MEPE: variants seen among roughly 807,000 people sequenced by gnomAD.
MEPE encodes the protein matrix extracellular phosphoglycoprotein.
A neutral mutation model predicts 7.3 loss-of-function variants in MEPE; 7 were observed. The ratio of observed to expected loss-of-function variants is 0.95; its 90% CI spans 0.54 to 1.79. The LOEUF (loss-of-function observed/expected upper bound fraction) is 1.79, where lower values mean the gene tolerates loss of function less well. Ranked by LOEUF, MEPE falls within the 40% of genes most tolerant of loss-of-function variation. The pLI, the probability that MEPE is intolerant of heterozygous loss-of-function variation, is 0.00. For synonymous variants in MEPE, 214 were observed against 213.1 expected (o/e 1.00, Z -0.04); for missense variants, 623 against 628.2 (o/e 0.99, Z 0.09).
chr4:87,838,820 C>A, intron 3 of MEPE, 135 bp downstream of exon 3: 1 of 666,068 alleles, frequency 1.5e-6, no homozygotes, highest in Non-Finnish European at 2.5e-6. Context: ...ATAATGTTGG[C>A]ACTTTCTAGT....
chr4:87,834,671 C>T (rs753057418), intron 1 of MEPE, 32 bp from the exon 2 acceptor site: 2 of 1,563,116 alleles, frequency 1.3e-6, no homozygotes, highest in South Asian at 2.3e-5. Context: ...ACTGGCAATG[C>T]TTTGTGGTAA....
intron 1 of MEPE, among the ~76,000 whole-genome samples, chr4:87,825,706 A>C (rs1230870135): frequency 6.6e-6 from 1 of 152,098 alleles, no homozygotes; most frequent in East Asian, 1.9e-4. Flanking sequence ...TTTTTTCTTC[A>C]ACTTTTAAGG....
At chr4:87,839,203 T>C (rs527974516) in intron 3 of MEPE, among the ~76,000 whole-genome samples, 6 of 152,302 alleles carry the variant, frequency 3.9e-5, no homozygotes, top group Admixed American at 6.5e-5. Context: ...CACAGAAAAT[T>C]ATGTTCTAAG....
chr4:87,839,816 A>G (rs1482887385), intron 3 of MEPE: 2 of 1,544,738 alleles, frequency 1.3e-6, no homozygotes, highest in Non-Finnish European at 8.8e-7. Flanking sequence ...CAGCATGACT[A>G]AACTCTGGAC....
chr4:87,828,306 T>C (rs1006032086), upstream of MEPE, among the ~76,000 whole-genome samples: 4 of 152,180 alleles, frequency 2.6e-5, no homozygotes, highest in African/African-American at 7.2e-5. Flanking sequence ...GAGAGTTATT[T>C]TGGCAAGTTA....
chr4:87,835,232 T>C (rs146695175), intron 2 of MEPE, among the ~76,000 whole-genome samples: 9 of 152,328 alleles, frequency 5.9e-5, no homozygotes, highest in African/African-American at 1.2e-4. Flanking sequence ...ACCCCAATAC[T>C]GTGGGATCCT....
rs1213205345 is a variant in MEPE, at chr4:87,844,026, C to A, written c.109-951C>A. Among the ~76,000 whole-genome samples the A allele has an allele frequency of 2.0e-5, 3 of 152,260 alleles. No homozygotes were observed. The South Asian group carries it at 6.2e-4, about 32-fold the overall frequency. ...CTTGACTAGGGCCATAGTGACTCAGCCTCTCTTAGCTCCCATGGGCAATTT... is the reference window on the plus strand; with the variant it reads ...CTTGACTAGGGCCATAGTGACTCAGACTCTCTTAGCTCCCATGGGCAATTT... On this transcript the variant is annotated intron_variant, in intron 3 of 3. Transcript: ENST00000361056.
intron 1 of MEPE, among the ~76,000 whole-genome samples, chr4:87,826,205 GCTTTATATT>G (rs975123437): frequency 1.3e-5 from 2 of 149,164 alleles, no homozygotes; most frequent in Non-Finnish European, 3.0e-5. Flanking sequence ...ATAATAGAAT[GCTTTATATT>G]CTTTATATTC....
In MEPE at chr4:87,846,056, T is replaced by C. The variant is rs1395325907; in HGVS notation, c.1188T>C (p.Tyr396=). The change falls in exon 4 of 4, where the codon TAT becomes TAC. Residue 396 remains tyrosine (Y), a synonymous_variant. Transcript: ENST00000361056. ...GSSDAAESTN[Y]NEIPKNGKGS... is the part of the protein sequence containing the mutation. Reference sequence around the variant, plus strand: ...GTGATGCAGCTGAAAGTACCAACTATAATGAAATTCCTAAAAATGGCAAAG... The same window carrying C: ...GTGATGCAGCTGAAAGTACCAACTACAATGAAATTCCTAAAAATGGCAAAG... 4 of 1,614,022 alleles carry C rather than the reference T, an allele frequency of 2.5e-6. No individual in the cohort carries two copies. The highest frequency in any genetic ancestry group is 3.4e-6 in the Non-Finnish European group (4 of 1,179,952).
Position 87,846,510 on chromosome 4 carries a change from GGAGAGCCACCT to G in MEPE, c.*67_*77del. 4.6e-6 allele frequency: 7 copies of G among 1,526,344 alleles called. No individual in the cohort carries two copies. Among genetic ancestry groups the G allele is most frequent in the Non-Finnish European group, 6.2e-6 (7 of 1,135,740 alleles). 94.6% of individuals were successfully genotyped at this position (1,526,344 alleles called of 1,614,324 possible). A position where few individuals can be genotyped will look rare whatever the true frequency, so the allele number is the denominator to read the frequency against. On this transcript the variant is annotated 3_prime_UTR_variant, in exon 4 of 4. Coordinates refer to ENST00000361056, the MANE Select transcript of MEPE (RefSeq NM_020203.6). ...CTCGTCACCTGTGAGTTGATGTAGA[GGAGAGCCACCT>G]GACAGCTGACCAGGTGAAGAGAGGA...
upstream of MEPE, among the ~76,000 whole-genome samples, chr4:87,830,528 T>A (rs1013912307): frequency 5.9e-5 from 9 of 152,060 alleles, no homozygotes; most frequent in African/African-American, 2.2e-4. Flanking sequence ...AGCTAAATGA[T>A]AAGAACTTAT....
rs776051454 is a variant in MEPE, at chr4:87,845,886, G to A, written c.1018G>A (p.Asp340Asn). 1.4e-5 allele frequency: 23 copies of A among 1,613,838 alleles called. No homozygotes were observed. Among genetic ancestry groups the A allele is most frequent in the East Asian group, 4.5e-5 (2 of 44,880 alleles). The change falls in exon 4 of 4, where the codon GAT becomes AAT. Residue 340 changes from aspartate (D) to asparagine (N), a missense_variant. Coordinates refer to ENST00000361056, the MANE Select transcript of MEPE (RefSeq NM_020203.6). ...VDVSLVEGSN[D>N]IMGSTNFKEL... is the part of the protein sequence containing the mutation. ...TGTCAGCCTTGTAGAGGGCAGCAAC[G>A]ATATCATGGGTAGTACCAATTTTAA...
chr4:87,830,106 C>T (rs1275884938), upstream of MEPE, among the ~76,000 whole-genome samples: 1 of 152,112 alleles, frequency 6.6e-6, no homozygotes, highest in African/African-American at 2.4e-5. Flanking sequence ...AAAATCTATG[C>T]TTGAATGGTT....
chr4:87,829,153 C>T (rs1578052311), upstream of MEPE, among the ~76,000 whole-genome samples: 2 of 152,208 alleles, frequency 1.3e-5, no homozygotes, highest in South Asian at 4.1e-4. Flanking sequence ...AAGGATCATT[C>T]TCCTAATTTT....
chr4:87,843,549 A>G (rs1017393749), intron 3 of MEPE, among the ~76,000 whole-genome samples: 4 of 152,160 alleles, frequency 2.6e-5, no homozygotes, highest in Non-Finnish European at 2.9e-5. Flanking sequence ...TCAAAGGCCT[A>G]TGTAGGGATG....
At chr4:87,831,129 T>C (rs1247887109), upstream of MEPE, among the ~76,000 whole-genome samples, 4 of 152,174 alleles carry the variant, frequency 2.6e-5, no homozygotes, top group Admixed American at 6.6e-5. Flanking sequence ...ACAGGTATTA[T>C]AATATTTTTA....
At position 87,846,036 on chromosome 4, in the gene MEPE, G is replaced by A; in HGVS notation, c.1168G>A (p.Ala390Thr). The A allele has an allele frequency of 6.2e-7, 1 of 1,614,058 alleles. No homozygotes were observed. Reference protein sequence around the residue: ...KEKRKEGSSDAAESTNYNEIP... With the variant: ...KEKRKEGSSDTAESTNYNEIP... ...GAAAAGAAAAGAAGGCAGTAGTGAT[G>A]CAGCTGAAAGTACCAACTATAATGA... is the stretch of plus-strand genomic sequence containing the variant. Residue 390 changes from alanine (A) to threonine (T), a missense_variant, in exon 4 of 4, where the codon GCA becomes ACA. Physicochemically the swap from Ala to Thr is moderately conservative, Grantham distance 58. Transcript: ENST00000361056.
At chr4:87,836,702 T>C (rs1265426416) in intron 2 of MEPE, among the ~76,000 whole-genome samples, 1 of 152,228 alleles carries the variant, frequency 6.6e-6, no homozygotes, top group East Asian at 1.9e-4. Context: ...CTCTTATTAC[T>C]AAATGCTTTT....
At chr4:87,841,514 C>T (rs1159883621) in intron 3 of MEPE, among the ~76,000 whole-genome samples, 1 of 152,050 alleles carries the variant, frequency 6.6e-6, no homozygotes, top group African/African-American at 2.4e-5. Flanking sequence ...AAATATTATA[C>T]ATTGGCACTT....
Sources: gnomAD v4.1 joint callset for allele counts (sites outside exome capture counted in the v4.1 genomes callset) on GRCh38, gnomAD v4.1.1 for gene constraint, MANE v1.5 for transcripts, NCBI Gene and HGNC (gene_info 2026-07-23, HGNC 2026-07-21) for gene names.